ABCC3: variants seen among roughly 807,000 people sequenced by gnomAD.
ABCC3 encodes ATP binding cassette subfamily C member 3, also known as ATP-binding cassette sub-family C member 3.
In ABCC3, 121 loss-of-function variants were observed where a neutral mutation model predicts 165.3. The ratio of observed to expected loss-of-function variants is 0.73; its 90% CI spans 0.63 to 0.85. ABCC3 has a LOEUF of 0.85. ABCC3 is among the 40% of genes least tolerant of loss of function. ABCC3 has a pLI of 0.00. For missense variants in ABCC3, 1,869 were observed against 1,964.1 expected (o/e 0.95, Z 0.92); for synonymous variants, 733 against 810.1 (o/e 0.90, Z 1.62).
intron 30 of ABCC3, among the ~76,000 whole-genome samples, chr17:50,689,377 G>A (rs1968078380): frequency 6.6e-6 from 1 of 152,212 alleles, no homozygotes; most frequent in African/African-American, 2.4e-5. Context: ...ATGTCAAAGT[G>A]TGGTGCTGGA....
rs753114408 is a variant in ABCC3, at chr17:50,675,671, C to T, written c.2755C>T (p.Arg919Trp). 60 of 1,572,694 alleles carry T rather than the reference C, an allele frequency of 3.8e-5. No homozygotes were observed. Among genetic ancestry groups the T allele is most frequent in the East Asian group, 1.9e-4 (8 of 42,854 alleles). ...ALSSDGEGQGRPVPRRHLGPS... is the reference protein window; with the variant it reads ...ALSSDGEGQGWPVPRRHLGPS... ...GTCCTCAGATGGGGAGGGACAGGGT[C>T]GGCCTGTACCCCGGAGGCACCTGGG... The change falls in exon 21 of 31, where the codon CGG becomes TGG. Residue 919 changes from arginine to tryptophan, a missense_variant. Coordinates refer to ENST00000285238, the MANE Select transcript of ABCC3 (RefSeq NM_003786.4).
chr17:50,678,353 G>GAAA (rs149215649), intron 25 of ABCC3, 134 bp downstream of exon 25: 102 of 634,944 alleles, frequency 1.6e-4, no homozygotes, highest in Middle Eastern at 5.2e-4. Context: ...AGGACTGTGA[G>GAAA]AAAAAAAAAA....
chr17:50,657,142 A>G lies in ABCC3; in HGVS notation c.445A>G (p.Ile149Val). 6.2e-7 allele frequency: 1 copy of G among 1,614,170 alleles called. No individual in the cohort carries two copies. The highest frequency in any genetic ancestry group is 8.5e-7 in the Non-Finnish European group (1 of 1,180,034). Residue 149 changes from isoleucine to valine, a missense_variant, in exon 4 of 31, where the codon ATC becomes GTC. Transcript: ENST00000285238. ...IFWFLCVVCA[I>V]VPFRSKILLA... ...CTGGTTCCTGTGTGTGGTCTGCGCCATCGTCCCATTCCGCTCCAAGATCCT... is the reference window on the plus strand; with the variant it reads ...CTGGTTCCTGTGTGTGGTCTGCGCCGTCGTCCCATTCCGCTCCAAGATCCT...
At chr17:50,659,151 G>C in intron 6 of ABCC3, 86 bp from the exon 7 acceptor site, 1 of 1,524,840 alleles carries the variant, frequency 6.6e-7, no homozygotes, top group Middle Eastern at 2.2e-4. Context: ...GGAGACCCTG[G>C]GGCCCTGGAG....
At chr17:50,664,530 C>T (rs903383163) in intron 10 of ABCC3, 1 of 215,014 alleles carries the variant, frequency 4.7e-6, no homozygotes, top group African/African-American at 2.3e-5. Flanking sequence ...TGGTGAAACC[C>T]CATCTCTACT....
chr17:50,674,077 T>G (rs991458661), intron 19 of ABCC3: 1 of 129,660 alleles, frequency 7.7e-6, no homozygotes, highest in Non-Finnish European at 1.6e-5. Flanking sequence ...TCTTTCTTTT[T>G]TTTCTTTTGA....
intron 1 of ABCC3, among the ~76,000 whole-genome samples, chr17:50,655,272 G>A (rs1053475610): frequency 1.3e-5 from 2 of 151,382 alleles, no homozygotes; most frequent in African/African-American, 4.9e-5. Context: ...CAGGCGTGGT[G>A]GTGGGCGCCT....
At chr17:50,657,509 T>G (rs1302775147) in intron 4 of ABCC3, among the ~76,000 whole-genome samples, 2 of 152,156 alleles carry the variant, frequency 1.3e-5, no homozygotes, top group Non-Finnish European at 2.9e-5. Flanking sequence ...TGCAGACAAG[T>G]GTGAAGAGTT....
intron 26 of ABCC3, among the ~76,000 whole-genome samples, 190 bp from the exon 27 acceptor site, chr17:50,683,420 G>A (rs1967960162): frequency 6.6e-6 from 1 of 151,554 alleles, no homozygotes; most frequent in Non-Finnish European, 1.5e-5. Flanking sequence ...GAGTGTTGGA[G>A]TAGGTCTGTG....
chr17:50,683,933 T>A lies in ABCC3; in HGVS notation c.3955-16T>A, dbSNP rs759969899. 1 of 1,611,166 alleles carries A rather than the reference T, an allele frequency of 6.2e-7. No individual in the cohort carries two copies. Among genetic ancestry groups the A allele is most frequent in the East Asian group, 2.2e-5 (1 of 44,710 alleles). ...TCTCAGCTTCCCCCTCAGAGCCCCTTCCCTTCTCCGCCCAGGTGGGGATCG... is the reference window on the plus strand; with the variant it reads ...TCTCAGCTTCCCCCTCAGAGCCCCTACCCTTCTCCGCCCAGGTGGGGATCG... On this transcript the variant is annotated splice_polypyrimidine_tract_variant and intron_variant, in intron 27 of 30. Transcript: ENST00000285238.
chr17:50,668,653 C>T (rs1043861252), intron 14 of ABCC3, 136 bp downstream of exon 14: 2 of 798,478 alleles, frequency 2.5e-6, no homozygotes, highest in African/African-American at 3.5e-5. Flanking sequence ...CTGACCTCCT[C>T]CCTCTTCCGG....
Position 50,673,036 on chromosome 17 carries a change from C to T in ABCC3, c.2307C>T (p.Ala769=), listed in dbSNP as rs1288456051. ...TGGCTCGAGCTGTTTACAGTGATGC[C>T]GATATTTTCTTGCTGGATGACCCAC... ...VSLARAVYSD[A]DIFLLDDPLS... The change falls in exon 18 of 31, where the codon GCC becomes GCT. Residue 769 remains alanine (A), a synonymous_variant. Coordinates refer to ENST00000285238, the MANE Select transcript of ABCC3 (RefSeq NM_003786.4). 3 of 1,614,102 alleles carry T rather than the reference C, an allele frequency of 1.9e-6. No individual in the cohort carries two copies. Among genetic ancestry groups the T allele is most frequent in the Non-Finnish European group, 1.7e-6 (2 of 1,180,018 alleles).
At chr17:50,636,369 T>TA (rs4148406) in intron 1 of ABCC3, among the ~76,000 whole-genome samples, 245 of 145,164 alleles carry the variant, frequency 1.7e-3, no homozygotes, top group Middle Eastern at 0.011. Context: ...GCAATGGAGG[T>TA]AAAAAAAAAA....
chr17:50,646,539 G>A (rs1398345063), intron 1 of ABCC3, among the ~76,000 whole-genome samples: 2 of 152,198 alleles, frequency 1.3e-5, no homozygotes, highest in African/African-American at 4.8e-5. Context: ...TTGCCAAGAG[G>A]TTGAGTGCAG....
At position 50,669,442 on chromosome 17, in the gene ABCC3, C is replaced by A. The variant is rs767722164; in HGVS notation, c.2155C>A (p.Arg719Ser). 7.4e-6 allele frequency: 12 copies of A among 1,614,242 alleles called. 1 individual carries two copies. Among genetic ancestry groups the A allele is most frequent in the Non-Finnish European group, 1.0e-5 (12 of 1,180,036 alleles). ...TTTCGGCAAAGCCCTGAACCCCAAG[C>A]GCTACCAGCAGACTCTGGAGGCCTG... is the stretch of plus-strand genomic sequence containing the variant. ...VLFGKALNPK[R>S]YQQTLEACAL... Residue 719 changes from arginine to serine, a missense_variant, in exon 17 of 31, where the codon CGC (arginine) becomes AGC (serine). Physicochemically the swap from Arg to Ser is moderately radical, Grantham distance 110. Transcript: ENST00000285238.
intron 8 of ABCC3, 131 bp from the exon 9 acceptor site, chr17:50,663,550 G>A: frequency 9.2e-7 from 1 of 1,082,588 alleles, no homozygotes; most frequent in Non-Finnish European, 1.3e-6. Context: ...CCTGGCCCAA[G>A]AGGTTGGAGG....
At chr17:50,682,767 A>C (rs1038303829) in intron 26 of ABCC3, among the ~76,000 whole-genome samples, 5 of 152,154 alleles carry the variant, frequency 3.3e-5, no homozygotes, top group African/African-American at 1.2e-4. Flanking sequence ...CCTCTACTAG[A>C]ACATAAATCT....
At chr17:50,646,972 G>A (rs1035607170) in intron 1 of ABCC3, among the ~76,000 whole-genome samples, 34 of 152,288 alleles carry the variant, frequency 2.2e-4, no homozygotes, top group African/African-American at 7.5e-4. Context: ...TCCGCCTCCC[G>A]GGTTCAAACA....
At chr17:50,640,056 A>G (rs1174377664) in intron 1 of ABCC3, among the ~76,000 whole-genome samples, 1 of 152,040 alleles carries the variant, frequency 6.6e-6, no homozygotes, top group African/African-American at 2.4e-5. Flanking sequence ...GAGCCACCGC[A>G]TTCAGCCAGA....
Sources: gnomAD v4.1 joint callset for allele counts (sites outside exome capture counted in the v4.1 genomes callset) on GRCh38, gnomAD v4.1.1 for gene constraint, MANE v1.5 for transcripts, NCBI Gene and HGNC (gene_info 2026-07-23, HGNC 2026-07-21) for gene names.